The following ERCC6 variants were observed in gnomAD, a reference collection of about 807,000 sequenced individuals.
ERCC6 encodes DNA excision repair protein ERCC-6.
ERCC6 carries 116 observed loss-of-function variants against 158.7 expected under a neutral mutation model. The observed-to-expected ratio is 0.73, with a 90% CI of 0.63 to 0.85. ERCC6 has a LOEUF of 0.85. ERCC6 is among the 40% of genes least tolerant of loss of function. The pLI is 0.00. For missense variants in ERCC6, 1,698 were observed against 1,799.4 expected (o/e 0.94, Z 1.02); for synonymous variants, 678 against 659.3 (o/e 1.03, Z -0.43).
intron 5 of ERCC6, among the ~76,000 whole-genome samples, chr10:49,510,307 A>T (rs1460540719): frequency 2.0e-5 from 3 of 152,190 alleles, no homozygotes; most frequent in Admixed American, 6.5e-5. Context: ...GGATGTTCAA[A>T]ATAAATAAGT....
Position 49,457,018 on chromosome 10 carries a change from T to C in ERCC6, c.*1797A>G, listed in dbSNP as rs977308886. The C allele has an allele frequency of 3.9e-5, 6 of 152,186 alleles. No individual in the cohort carries two copies. The highest frequency in any genetic ancestry group is 8.8e-5 in the Non-Finnish European group (6 of 68,032). The allele number at this position is 152,186 out of a possible 1,614,324, so 9.4% of individuals were successfully genotyped here. On this transcript the variant is annotated 3_prime_UTR_variant, in exon 21 of 21. Transcript: ENST00000355832. Reference sequence around the variant, plus strand: ...CTATACCTTGTCTAGCTCAATACAGTTTATGTTTCAGACACTATAAGTATG... The same window carrying C: ...CTATACCTTGTCTAGCTCAATACAGCTTATGTTTCAGACACTATAAGTATG...
chr10:49,533,811 A>C (rs921196695), intron 1 of ERCC6, among the ~76,000 whole-genome samples: 1 of 152,278 alleles, frequency 6.6e-6, no homozygotes, highest in Non-Finnish European at 1.5e-5. Context: ...AAATAAATTT[A>C]AAGTTTTTTT....
At chr10:49,487,032 A>G (rs1851089526) in intron 8 of ERCC6, among the ~76,000 whole-genome samples, 1 of 152,244 alleles carries the variant, frequency 6.6e-6, no homozygotes, top group African/African-American at 2.4e-5. Flanking sequence ...AATATAATTC[A>G]TGTAATCACA....
At position 49,485,012 on chromosome 10, in the gene ERCC6, G is replaced by A. The variant is rs140038948; in HGVS notation, c.1822-1496C>T. ...TCCAGCTTCAGATAGGCAAGGACTTGGAAGATCAGTCACCAAGAGATTGGC... is the reference window on the plus strand; with the variant it reads ...TCCAGCTTCAGATAGGCAAGGACTTAGAAGATCAGTCACCAAGAGATTGGC... On this transcript the variant is annotated intron_variant, in intron 8 of 20. Coordinates refer to ENST00000355832, the MANE Select transcript of ERCC6 (RefSeq NM_000124.4). Among the ~76,000 whole-genome samples, 161 of 152,356 alleles carry A rather than the reference G, an allele frequency of 1.1e-3. 1 individual carries two copies. The highest frequency in any genetic ancestry group is 3.7e-3 in the African/African-American group (154 of 41,578).
chr10:49,534,188 A>AGTATAT (rs2132642631), intron 1 of ERCC6, among the ~76,000 whole-genome samples: 1 of 151,958 alleles, frequency 6.6e-6, no homozygotes, highest in Non-Finnish European at 1.5e-5. Context: ...ACACAGTATA[A>AGTATAT]TTTCTCACCC....
chr10:49,528,774 C>T lies in ERCC6; in HGVS notation c.544-249G>A, dbSNP rs146948664. 1.1e-4 allele frequency among the ~76,000 whole-genome samples: 16 copies of T among 152,266 alleles called. No homozygotes were observed. In the East Asian group the frequency reaches 2.9e-3, roughly 28 times the overall value. On this transcript the variant is annotated intron_variant, in intron 3 of 20. Coordinates refer to ENST00000355832, the MANE Select transcript of ERCC6 (RefSeq NM_000124.4). ...CTGCACCCCCATGCTCTCCTGAGGA[C>T]GGCAGACTGCCTTCTATGTGCCCGA...
Position 49,456,985 on chromosome 10 carries a change from A to G in ERCC6, c.*1830T>C, listed in dbSNP as rs11101137. 15,692 of 152,212 alleles carry G rather than the reference A, an allele frequency of 0.1. 1,177 individuals carry two copies. The highest frequency in any genetic ancestry group is 0.39 in the East Asian group (1,988 of 5,156). 9.4% of individuals were successfully genotyped at this position (152,212 alleles called of 1,614,324 possible). A position where few individuals can be genotyped will look rare whatever the true frequency, so the allele number is the denominator to read the frequency against. On this transcript the variant is annotated 3_prime_UTR_variant, in exon 21 of 21. Transcript: ENST00000355832. ...GCTTTTGATAGTATTTGCTACTTGAAGAGGAGGCTATACCTTGTCTAGCTC... is the reference window on the plus strand; with the variant it reads ...GCTTTTGATAGTATTTGCTACTTGAGGAGGAGGCTATACCTTGTCTAGCTC...
rs1234524860 is a variant in ERCC6 at position 49,455,055 on chromosome 10, G to A, written c.*3760C>T. 6.6e-6 allele frequency among the ~76,000 whole-genome samples: 1 copy of A among 152,002 alleles called. No individual in the cohort carries two copies. The highest frequency in any genetic ancestry group is 1.5e-5 in the Non-Finnish European group (1 of 67,994). On this transcript the variant is annotated 3_prime_UTR_variant, in exon 21 of 21. Coordinates refer to ENST00000355832, the MANE Select transcript of ERCC6 (RefSeq NM_000124.4). ...TTAAATAAACAAAAAAAAATGGAAA[G>A]ACTGAATTTACTATATTTTAAAACT...
chr10:49,524,278 T>TTCC lies in ERCC6; in HGVS notation c.1149_1151dup (p.Glu384dup). On this transcript the variant is annotated inframe_insertion, in exon 5 of 21. Coordinates refer to ENST00000355832, the MANE Select transcript of ERCC6 (RefSeq NM_000124.4). ...CCTCTGCCCCCTCCACCTCGTCATC[T>TTCC]TCCTCCTCTTCCTCCTCCTCTGTGG... 1.9e-6 allele frequency: 3 copies of TTCC among 1,613,984 alleles called. No individual in the cohort carries two copies. The highest frequency in any genetic ancestry group is 1.7e-6 in the Non-Finnish European group (2 of 1,179,944).
Position 49,505,928 on chromosome 10 carries a change from G to C in ERCC6, c.1482C>G (p.Asp494Glu), listed in dbSNP as rs150762517. The change falls in exon 6 of 21, where the codon GAC becomes GAG. Residue 494 changes from aspartate to glutamate, a missense_variant. Asp to Glu is a conservative substitution (Grantham distance 45). Transcript: ENST00000355832. ...GAAAACCTGGCACTTTAAAACCTTC[G>C]TCAAATTCAGCATCACTTTCCTCAG... ...DDSEESDAEF[D>E]EGFKVPGFLF... is the part of the protein sequence containing the mutation. 1.2e-6 allele frequency: 2 copies of C among 1,613,250 alleles called. No individual in the cohort carries two copies. The highest frequency in any genetic ancestry group is 1.7e-6 in the Non-Finnish European group (2 of 1,179,600).
At chr10:49,529,804 T>C (rs1233250951) in intron 3 of ERCC6, among the ~76,000 whole-genome samples, 1 of 152,140 alleles carries the variant, frequency 6.6e-6, no homozygotes, top group Non-Finnish European at 1.5e-5. Flanking sequence ...TTCCTATCTA[T>C]TGCAATGTAT....
At position 49,476,094 on chromosome 10, in the gene ERCC6, T is replaced by C. The variant is rs1017515312; in HGVS notation, c.2382+121A>G. 19 of 758,570 alleles carry C rather than the reference T, an allele frequency of 2.5e-5. No individual in the cohort carries two copies. The East Asian group carries it at 4.9e-4, about 20-fold the overall frequency. The allele number at this position is 758,570 out of a possible 1,614,324, so 47.0% of individuals were successfully genotyped here. Reference sequence around the variant, plus strand: ...TGCACATCTACCATGCGGGACTTCATGCAAGTGAAGTGAGATGACAGTACG... The same window carrying C: ...TGCACATCTACCATGCGGGACTTCACGCAAGTGAAGTGAGATGACAGTACG... On this transcript the variant is annotated intron_variant, in intron 12 of 20. Coordinates refer to ENST00000355832, the MANE Select transcript of ERCC6 (RefSeq NM_000124.4).
rs1850516608 is a variant in ERCC6, at chr10:49,458,325, C to G, written c.*490G>C. On this transcript the variant is annotated 3_prime_UTR_variant, in exon 21 of 21. Transcript: ENST00000355832. Reference sequence around the variant, plus strand: ...TCAAACAACAAATAACAAACCTGACCTTTGTGGGTGGCAAATGGTAAATAT... The same window carrying G: ...TCAAACAACAAATAACAAACCTGACGTTTGTGGGTGGCAAATGGTAAATAT... The G allele has an allele frequency of 6.4e-6, 1 of 155,982 alleles. No homozygotes were observed. The highest frequency in any genetic ancestry group is 1.4e-5 in the Non-Finnish European group (1 of 70,352). 9.7% of individuals were successfully genotyped at this position (155,982 alleles called of 1,614,324 possible).
At chr10:49,513,476 T>G (rs1836860299) in intron 5 of ERCC6, among the ~76,000 whole-genome samples, 2 of 152,210 alleles carry the variant, frequency 1.3e-5, no homozygotes, top group Admixed American at 1.3e-4. Flanking sequence ...GATACTATAT[T>G]GTATGAGTCC....
chr10:49,478,567 AG>A (rs1850920579), intron 10 of ERCC6, 97 bp from the exon 11 acceptor site: 2 of 793,050 alleles, frequency 2.5e-6, no homozygotes, highest in South Asian at 1.4e-5. Flanking sequence ...AAAAAAAAAA[AG>A]AATAACCAAC....
chr10:49,448,474 C>T, the ERCC6 span, among the ~76,000 whole-genome samples: 2 of 152,134 alleles, frequency 1.3e-5, no homozygotes, highest in Admixed American at 6.6e-5. Flanking sequence ...TACCATATAA[C>T]TCATTTATTT....
chr10:49,470,876 A>G lies in ERCC6; in HGVS notation c.3084T>C (p.Asp1028=). The G allele has an allele frequency of 6.2e-7, 1 of 1,613,908 alleles. No individual in the cohort carries two copies. The highest frequency in any genetic ancestry group is 8.5e-7 in the Non-Finnish European group (1 of 1,179,848). Residue 1028 remains aspartate (D), a synonymous_variant, in exon 18 of 21, where the codon GAT becomes GAC. Coordinates refer to ENST00000355832, the MANE Select transcript of ERCC6 (RefSeq NM_000124.4). ...TTAGATGGCATTTGGGTGTCTGAACATCTGATCCAGTTCCTGTAAAGAGGA... is the reference window on the plus strand; with the variant it reads ...TTAGATGGCATTTGGGTGTCTGAACGTCTGATCCAGTTCCTGTAAAGAGGA... ...TSAIFAGTGS[D]VQTPKCHLKR...
intron 1 of ERCC6, among the ~76,000 whole-genome samples, chr10:49,534,905 C>T (rs1191066172): frequency 2.0e-5 from 3 of 152,178 alleles, no homozygotes; most frequent in Admixed American, 6.5e-5. Context: ...CATCTACACC[C>T]GAGTGGCTAT....
intron 5 of ERCC6, among the ~76,000 whole-genome samples, chr10:49,517,466 G>C (rs1428007011): frequency 1.3e-5 from 2 of 152,146 alleles, no homozygotes; most frequent in Non-Finnish European, 2.9e-5. Context: ...AGACATGTGT[G>C]AAAAATCAGA....
Sources: gnomAD v4.1 joint callset for allele counts (sites outside exome capture counted in the v4.1 genomes callset) on GRCh38, gnomAD v4.1.1 for gene constraint, MANE v1.5 for transcripts, NCBI Gene and HGNC (gene_info 2026-07-23, HGNC 2026-07-21) for gene names.